TMEFF1: variants seen among roughly 807,000 people sequenced by gnomAD.
TMEFF1 encodes the protein tomoregulin-1.
A neutral mutation model predicts 47.5 loss-of-function variants in TMEFF1; 20 were observed. The observed-to-expected ratio is 0.42, with a 90% CI of 0.30 to 0.61. The LOEUF is 0.61. Among genes scored for constraint, TMEFF1 ranks in the 20% least tolerant of loss-of-function variants. TMEFF1 has a pLI of 0.19. For synonymous variants in TMEFF1, 162 were observed against 166.3 expected, an observed-to-expected ratio of 0.97 and a Z score of 0.20; for missense variants, 411 against 471.1, an observed-to-expected ratio of 0.87 and a Z score of 1.18.
chr9:100,526,557 A>C (rs1487127589), intron 5 of TMEFF1, among the ~76,000 whole-genome samples: 1 of 152,004 alleles, frequency 6.6e-6, no homozygotes, highest in East Asian at 1.9e-4. Context: ...TTGTTTTCAG[A>C]GTACTCATTT....
chr9:100,498,712 C>G, intron 1 of TMEFF1, 53 bp from the exon 2 acceptor site: 1 of 1,559,480 alleles, frequency 6.4e-7, no homozygotes, highest in Non-Finnish European at 8.8e-7. Context: ...CACAGACACA[C>G]ACACGTAATA....
chr9:100,524,227 A>G (rs1487035322), intron 5 of TMEFF1, among the ~76,000 whole-genome samples: 1 of 152,222 alleles, frequency 6.6e-6, no homozygotes, highest in African/African-American at 2.4e-5. Flanking sequence ...TAAAATGTAT[A>G]CTGTATACAA....
intron 9 of TMEFF1, among the ~76,000 whole-genome samples, chr9:100,575,014 G>A (rs1253569160): frequency 6.6e-6 from 1 of 152,154 alleles, no homozygotes; most frequent in Non-Finnish European, 1.5e-5. Flanking sequence ...CGATTGAAGA[G>A]TCATCTCATT....
intron 7 of TMEFF1, among the ~76,000 whole-genome samples, chr9:100,553,019 C>T (rs142983039): frequency 6.6e-6 from 1 of 152,160 alleles, no homozygotes; most frequent in East Asian, 1.9e-4. Context: ...GAAGGCCCAA[C>T]TTGGGATGAA....
chr9:100,545,869 C>T (rs1056683198), intron 5 of TMEFF1, among the ~76,000 whole-genome samples: 5 of 152,208 alleles, frequency 3.3e-5, no homozygotes, highest in African/African-American at 1.2e-4. Flanking sequence ...TGCCACCAAT[C>T]TCTTTGCTAA....
intron 8 of TMEFF1, 22 bp from the exon 9 acceptor site, chr9:100,572,496 T>A: frequency 6.5e-7 from 1 of 1,549,264 alleles, no homozygotes; most frequent in Non-Finnish European, 8.7e-7. Context: ...TTCATAGGAA[T>A]ATATATATTT....
intron 3 of TMEFF1, among the ~76,000 whole-genome samples, chr9:100,510,449 A>G (rs1392392372): frequency 2.6e-5 from 4 of 152,232 alleles, no homozygotes; most frequent in South Asian, 4.2e-4. Flanking sequence ...CAGCCAGGAA[A>G]GCTTGCCTGA....
chr9:100,546,063 C>G (rs1391259678), intron 5 of TMEFF1, among the ~76,000 whole-genome samples: 1 of 152,202 alleles, frequency 6.6e-6, no homozygotes, highest in Non-Finnish European at 1.5e-5. Flanking sequence ...CAAACTGTTC[C>G]AACTCGTGCC....
In TMEFF1 at chr9:100,473,723, A is replaced by T; in HGVS notation, c.179A>T (p.Lys60Met). The change falls in exon 1 of 10, where the codon AAG becomes ATG. Residue 60 changes from lysine (K) to methionine (M), a missense_variant. By Grantham distance (95) the Lys-to-Met change is moderately conservative. Coordinates refer to ENST00000374879, the MANE Select transcript of TMEFF1 (RefSeq NM_003692.5). The surrounding 1 kb of genome is among the most constrained non-coding windows in gnomAD (Gnocchi z 5.4). ...GGGGACTGTCCCGGCGGCAAAGGCA[A>T]GAGCATCAACTGCTCAGGTAGGACC... ...SGGDCPGGKG[K>M]SINCSELNVR... 6.5e-7 allele frequency: 1 copy of T among 1,530,224 alleles called. No individual in the cohort carries two copies. Among genetic ancestry groups the T allele is most frequent in the Non-Finnish European group, 8.8e-7 (1 of 1,137,514 alleles). 94.8% of individuals were successfully genotyped at this position (1,530,224 alleles called of 1,614,324 possible).
intron 3 of TMEFF1, among the ~76,000 whole-genome samples, chr9:100,510,954 A>G (rs1837953035): frequency 6.6e-6 from 1 of 152,098 alleles, no homozygotes; most frequent in Non-Finnish European, 1.5e-5. Context: ...CCAACCCCCA[A>G]CACTAAGTTC....
At chr9:100,559,517 CTT>C (rs1379110192) in intron 7 of TMEFF1, among the ~76,000 whole-genome samples, 1 of 151,958 alleles carries the variant, frequency 6.6e-6, no homozygotes, top group East Asian at 1.9e-4. Context: ...AATTTGGAGA[CTT>C]ATTTTAAAAA....
intron 5 of TMEFF1, among the ~76,000 whole-genome samples, chr9:100,518,923 G>T (rs1838115454): frequency 6.6e-6 from 1 of 151,968 alleles, no homozygotes; most frequent in African/African-American, 2.4e-5. Context: ...ATGGAAAGCT[G>T]CAGAAATATG....
In TMEFF1 at chr9:100,566,681, G is replaced by A. The variant is rs535732815; in HGVS notation, c.899+5161G>A. ...GTCCATAATCAAAACAGCAGACAGT[G>A]AGTGCCCCCGCCTTTTTTCTTTTTT... On this transcript the variant is annotated intron_variant, in intron 8 of 9. Transcript: ENST00000374879. 8.5e-5 allele frequency among the ~76,000 whole-genome samples: 13 copies of A among 152,140 alleles called. No homozygotes were observed. The South Asian group carries it at 2.7e-3, about 32-fold the overall frequency.
intron 5 of TMEFF1, among the ~76,000 whole-genome samples, chr9:100,524,599 A>G (rs1838222399): frequency 6.6e-6 from 1 of 152,244 alleles, no homozygotes; most frequent in Non-Finnish European, 1.5e-5. Flanking sequence ...AAATGTGATC[A>G]GAATGGACTG....
chr9:100,528,360 G>A lies in TMEFF1; in HGVS notation c.560+11589G>A, dbSNP rs1369186100. On this transcript the variant is annotated intron_variant, in intron 5 of 9. Coordinates refer to ENST00000374879, the MANE Select transcript of TMEFF1 (RefSeq NM_003692.5). ...AACTTTGAAAAAAATTTAGAAGAAT[G>A]TATAACTAGAATAACCAATACAGAG... Among the ~76,000 whole-genome samples the A allele has an allele frequency of 2.7e-5, 4 of 147,904 alleles. No individual in the cohort carries two copies. In the South Asian group the frequency reaches 6.7e-4, roughly 25 times the overall value.
At chr9:100,502,858 A>G (rs1204886683) in intron 2 of TMEFF1, among the ~76,000 whole-genome samples, 1 of 152,186 alleles carries the variant, frequency 6.6e-6, no homozygotes, top group Non-Finnish European at 1.5e-5. Flanking sequence ...TTAGACATTT[A>G]TCCAGTGCTT....
intron 8 of TMEFF1, among the ~76,000 whole-genome samples, chr9:100,571,174 A>G (rs2118577322): frequency 6.6e-6 from 1 of 152,306 alleles, no homozygotes; most frequent in Non-Finnish European, 1.5e-5. Context: ...AGTGTCTTGA[A>G]TATAATTTGG....
intron 5 of TMEFF1, among the ~76,000 whole-genome samples, chr9:100,535,909 C>A (rs535000298): frequency 1.3e-5 from 2 of 152,154 alleles, no homozygotes; most frequent in South Asian, 2.1e-4. Flanking sequence ...TATTTCACTG[C>A]AGCTTACCTG....
At chr9:100,498,698 C>CAT (rs1837703307) in intron 1 of TMEFF1, 67 bp from the exon 2 acceptor site, 9 of 1,461,470 alleles carry the variant, frequency 6.2e-6, no homozygotes, top group Non-Finnish European at 8.6e-6. Flanking sequence ...CACACACACA[C>CAT]GCGCACAGAC....
Sources: gnomAD v4.1 joint callset for allele counts (sites outside exome capture counted in the v4.1 genomes callset) on GRCh38, gnomAD v4.1.1 for gene constraint, Gnocchi (gnomAD v3.1) non-coding constraint, MANE v1.5 for transcripts, NCBI Gene and HGNC (gene_info 2026-07-23, HGNC 2026-07-21) for gene names.